CEP120: variants seen among roughly 807,000 people sequenced by gnomAD.
The protein encoded by CEP120 is centrosomal protein of 120 kDa.
In CEP120, 113 loss-of-function variants were observed where a neutral mutation model predicts 126.5. That is an observed-to-expected ratio of 0.89 (90% CI 0.77 to 1.04). The LOEUF (loss-of-function observed/expected upper bound fraction) is 1.04. Ranked by LOEUF, CEP120 falls within the 50% of genes least tolerant of loss-of-function variation. CEP120 has a pLI of 0.00. For missense variants in CEP120, 1,230 were observed against 1,155.7 expected (o/e 1.06, Z -0.93); for synonymous variants, 400 against 394.3 (o/e 1.01, Z -0.17).
chr5:123,347,105 A>G (rs1031896526), intron 19 of CEP120, among the ~76,000 whole-genome samples: 6 of 152,186 alleles, frequency 3.9e-5, no homozygotes, highest in Non-Finnish European at 5.9e-5. Flanking sequence ...TCAAGTTTAA[A>G]AAATGCATAT....
chr5:123,396,202 T>C (rs567358227), intron 5 of CEP120, among the ~76,000 whole-genome samples: 280 of 152,188 alleles, frequency 1.8e-3, no homozygotes, highest in African/African-American at 6.5e-3. Flanking sequence ...CATTCATCTA[T>C]TGAGGGCATC....
chr5:123,368,587 C>A (rs545203752), intron 17 of CEP120, among the ~76,000 whole-genome samples: 1 of 151,876 alleles, frequency 6.6e-6, no homozygotes, highest in Non-Finnish European at 1.5e-5. Flanking sequence ...GCAGTTAACA[C>A]GCTACAGAAA....
intron 18 of CEP120, among the ~76,000 whole-genome samples, chr5:123,359,560 G>C (rs1469214835): frequency 6.6e-6 from 1 of 151,796 alleles, no homozygotes; most frequent in African/African-American, 2.4e-5. Flanking sequence ...TCTTGAAGAA[G>C]AAAAAAAGCA....
At chr5:123,393,037 T>C (rs1772510966) in intron 6 of CEP120, among the ~76,000 whole-genome samples, 1 of 152,160 alleles carries the variant, frequency 6.6e-6, no homozygotes. Flanking sequence ...ATTTTTTTTA[T>C]TGCAAAGGAC....
chr5:123,395,743 A>T (rs1295319192), intron 5 of CEP120, among the ~76,000 whole-genome samples: 1 of 143,298 alleles, frequency 7.0e-6, no homozygotes, highest in East Asian at 2.1e-4. Flanking sequence ...GTGCAGTCGC[A>T]TGATCTCGGC....
rs1338388065 is a variant in CEP120 at position 123,399,228 on chromosome 5, C to T, written c.520G>A (p.Glu174Lys). ...PRDIVAVLNEEGGYHQIGPAE... is the reference protein window; with the variant it reads ...PRDIVAVLNEKGGYHQIGPAE... ...GGTCCAATCTGATGGTAGCCTCCCT[C>T]TTCATTCAGCACAGCCACAATGTCC... Residue 174 changes from glutamate to lysine, a missense_variant, in exon 5 of 20, where the codon GAG becomes AAG. Transcript: ENST00000306467. The T allele has an allele frequency of 1.2e-6, 2 of 1,614,158 alleles. No homozygotes were observed. The highest frequency in any genetic ancestry group is 1.1e-5 in the South Asian group (1 of 91,084).
intron 18 of CEP120, among the ~76,000 whole-genome samples, chr5:123,357,118 T>G (rs1769692394): frequency 6.6e-6 from 1 of 152,124 alleles, no homozygotes; most frequent in Non-Finnish European, 1.5e-5. Flanking sequence ...TCTTACAAAT[T>G]TCTTTATTTT....
At chr5:123,356,865 C>G (rs1769674070) in intron 18 of CEP120, among the ~76,000 whole-genome samples, 2 of 152,068 alleles carry the variant, frequency 1.3e-5, no homozygotes, top group Admixed American at 1.3e-4. Flanking sequence ...TATCCATTTA[C>G]AGTTAGCCTG....
At chr5:123,402,552 C>T (rs1278073879) in intron 4 of CEP120, among the ~76,000 whole-genome samples, 14 of 152,166 alleles carry the variant, frequency 9.2e-5, no homozygotes. Context: ...GCTGGGATTA[C>T]AGGCTTGTGC....
chr5:123,411,598 C>A (rs888105431), intron 4 of CEP120, among the ~76,000 whole-genome samples: 1 of 152,136 alleles, frequency 6.6e-6, no homozygotes, highest in Non-Finnish European at 1.5e-5. Flanking sequence ...GAAAAGGCTA[C>A]ATACTATATT....
At chr5:123,376,774 C>A (rs939654171) in intron 16 of CEP120, among the ~76,000 whole-genome samples, 4 of 151,994 alleles carry the variant, frequency 2.6e-5, no homozygotes, top group Admixed American at 6.6e-5. Context: ...TGTGAAAGTC[C>A]CAGATGTAGA....
At position 123,382,997 on chromosome 5, in the gene CEP120, CAG is replaced by C; in HGVS notation, c.1847_1848del (p.Ser616Ter). The part of the protein sequence containing the change: ...GLVKMREIFI[S>X]DSSQGVSAVQ... ...TCAATTATATTTACCTGAGATGAAT[CAG>C]AGATAAAAATCTCACGCATTTTTAC... On this transcript the variant is annotated frameshift_variant, in exon 12 of 20. Coordinates refer to ENST00000306467, the MANE Select transcript of CEP120 (RefSeq NM_001375405.1). LOFTEE classifies it high-confidence loss of function. The C allele has an allele frequency of 6.3e-7, 1 of 1,599,140 alleles. No homozygotes were observed. Among genetic ancestry groups the C allele is most frequent in the Non-Finnish European group, 8.6e-7 (1 of 1,169,320 alleles).
intron 11 of CEP120, among the ~76,000 whole-genome samples, chr5:123,383,616 G>C (rs1373368183): frequency 6.6e-6 from 1 of 151,804 alleles, no homozygotes; most frequent in East Asian, 1.9e-4. Flanking sequence ...TGGTTATTCT[G>C]AATTCTTTTT....
chr5:123,402,690 G>A lies in CEP120; in HGVS notation c.464-3406C>T, dbSNP rs577317232. On this transcript the variant is annotated intron_variant, in intron 4 of 19. Transcript: ENST00000306467. Reference sequence around the variant, plus strand: ...AGCCTCCCAAAGTGCTGGAACAGGCGTGAGCCACCGCACCTGGCACTGTTC... The same window carrying A: ...AGCCTCCCAAAGTGCTGGAACAGGCATGAGCCACCGCACCTGGCACTGTTC... Among the ~76,000 whole-genome samples, 11 of 152,308 alleles carry A rather than the reference G, an allele frequency of 7.2e-5. No homozygotes were observed. The East Asian group carries it at 9.6e-4, about 13-fold the overall frequency.
At chr5:123,419,315 T>C (rs1774568221) in intron 1 of CEP120, among the ~76,000 whole-genome samples, 1 of 152,162 alleles carries the variant, frequency 6.6e-6, no homozygotes, top group Non-Finnish European at 1.5e-5. Context: ...TAAAAACAAA[T>C]TTGCCTGCAG....
chr5:123,382,214 A>G lies in CEP120; in HGVS notation c.2014-14T>C, dbSNP rs770234319. ...TTTCTGCTTCAGCTACAAAAGGAAG[A>G]AAAATAAAGTCGCCAAAAAACCCCA... On this transcript the variant is annotated splice_polypyrimidine_tract_variant and intron_variant, in intron 13 of 19. Coordinates refer to ENST00000306467, the MANE Select transcript of CEP120 (RefSeq NM_001375405.1). 1 of 1,588,432 alleles carries G rather than the reference A, an allele frequency of 6.3e-7. No individual in the cohort carries two copies. The highest frequency in any genetic ancestry group is 1.1e-5 in the South Asian group (1 of 87,654).
At chr5:123,384,863 T>C in intron 11 of CEP120, 88 bp downstream of exon 11, 1 of 1,130,044 alleles carries the variant, frequency 8.8e-7, no homozygotes, top group South Asian at 1.6e-5. Flanking sequence ...AAAAAGAGGT[T>C]ATGGAAGGGT....
intron 4 of CEP120, among the ~76,000 whole-genome samples, chr5:123,404,640 A>G (rs1773524601): frequency 6.6e-6 from 1 of 152,264 alleles, no homozygotes; most frequent in Non-Finnish European, 1.5e-5. Flanking sequence ...GAATTATAAT[A>G]TCTTCTCAAT....
chr5:123,416,193 T>C, intron 2 of CEP120, 69 bp from the exon 3 acceptor site: 1 of 847,026 alleles, frequency 1.2e-6, no homozygotes, highest in Non-Finnish European at 1.9e-6. Context: ...TTGAAAATAT[T>C]TCCTATTATC....
Sources: gnomAD v4.1 joint callset for allele counts (sites outside exome capture counted in the v4.1 genomes callset) on GRCh38, gnomAD v4.1.1 for gene constraint, MANE v1.5 for transcripts, NCBI Gene and HGNC (gene_info 2026-07-23, HGNC 2026-07-21) for gene names.